Variants in TRABD2A observed in about 807,000 individuals in gnomAD.
The protein encoded by TRABD2A is TraB domain containing 2A.
TRABD2A carries 43 observed loss-of-function variants against 45.6 expected under a neutral mutation model. The observed-to-expected ratio is 0.94, with a 90% confidence interval of 0.74 to 1.22. The LOEUF (loss-of-function observed/expected upper bound fraction) is 1.22, where lower values mean the gene tolerates loss of function less well. TRABD2A is among the 50% of genes most tolerant of loss of function. TRABD2A has a pLI of 0.00. For synonymous variants in TRABD2A, 269 were observed against 265.0 expected (o/e 1.02, Z -0.15); for missense variants, 642 against 652.4 (o/e 0.98, Z 0.17).
intron 2 of TRABD2A, among the ~76,000 whole-genome samples, chr2:84,854,313 C>G (rs1423057353): frequency 6.6e-6 from 1 of 152,038 alleles, no homozygotes; most frequent in Admixed American, 6.6e-5. Flanking sequence ...TACTGAGGGA[C>G]AACTGTACAG....
At chr2:84,880,004 A>ACCCCCCCCT (rs1683150667) in intron 1 of TRABD2A, among the ~76,000 whole-genome samples, 1 of 45,998 alleles carries the variant, frequency 2.2e-5, no homozygotes, top group Non-Finnish European at 5.0e-5. Flanking sequence ...AACCCCCCCC[A>ACCCCCCCCT]CCCCCGCGTC....
chr2:84,852,127 CCA>C (rs1682117757), intron 2 of TRABD2A, among the ~76,000 whole-genome samples: 1 of 152,186 alleles, frequency 6.6e-6, no homozygotes, highest in South Asian at 2.1e-4. Flanking sequence ...AACGTAACCT[CCA>C]CACACAAACT....
At chr2:84,863,795 T>C (rs1682586584) in intron 2 of TRABD2A, among the ~76,000 whole-genome samples, 1 of 151,898 alleles carries the variant, frequency 6.6e-6, no homozygotes, top group African/African-American at 2.4e-5. Flanking sequence ...GTATTTTTAG[T>C]AGAGACGGGG....
chr2:84,871,477 A>C (rs1682870594), intron 1 of TRABD2A, among the ~76,000 whole-genome samples: 1 of 149,562 alleles, frequency 6.7e-6, no homozygotes, highest in African/African-American at 2.5e-5. Flanking sequence ...TGGAACTCAG[A>C]AATGCTACTT....
At chr2:84,837,017 G>A (rs1466796387) in intron 4 of TRABD2A, 1 of 129,310 alleles carries the variant, frequency 7.7e-6, no homozygotes, top group Admixed American at 8.0e-5. Flanking sequence ...TTTGGAGATG[G>A]AGTTTCACTC....
At chr2:84,824,240 G>A (rs1681084449) in intron 5 of TRABD2A, 36 bp from the exon 6 acceptor site, 1 of 1,611,072 alleles carries the variant, frequency 6.2e-7, no homozygotes, top group Admixed American at 1.7e-5. Flanking sequence ...ATTTGGAGGA[G>A]GGTCACACAG....
At chr2:84,862,980 G>A (rs1682548370) in intron 2 of TRABD2A, among the ~76,000 whole-genome samples, 2 of 152,126 alleles carry the variant, frequency 1.3e-5, no homozygotes, top group Admixed American at 1.3e-4. Context: ...AGAGAGCTAA[G>A]AACCCACCCA....
At chr2:84,845,061 G>T (rs1360752845) in intron 2 of TRABD2A, among the ~76,000 whole-genome samples, 1 of 152,186 alleles carries the variant, frequency 6.6e-6, no homozygotes, top group East Asian at 1.9e-4. Flanking sequence ...GATTAAATAA[G>T]AACTTTAGGC....
chr2:84,855,168 A>C (rs1682232125), intron 2 of TRABD2A, among the ~76,000 whole-genome samples: 1 of 152,190 alleles, frequency 6.6e-6, no homozygotes, highest in Non-Finnish European at 1.5e-5. Flanking sequence ...CACAAGCAGA[A>C]AATGCTCATC....
At chr2:84,826,754 G>C (rs1428690431) in intron 5 of TRABD2A, among the ~76,000 whole-genome samples, 1 of 152,168 alleles carries the variant, frequency 6.6e-6, no homozygotes, top group Non-Finnish European at 1.5e-5. Flanking sequence ...GGCTGGTCTT[G>C]AGCTCCTGAC....
At chr2:84,880,487 T>A (rs1683164182) in intron 1 of TRABD2A, among the ~76,000 whole-genome samples, 1 of 152,162 alleles carries the variant, frequency 6.6e-6, no homozygotes, top group Non-Finnish European at 1.5e-5. Flanking sequence ...ACTGAACATA[T>A]GAAGGTTAAG....
At chr2:84,869,498 T>A (rs1411401385) in intron 2 of TRABD2A, among the ~76,000 whole-genome samples, 1 of 152,218 alleles carries the variant, frequency 6.6e-6, no homozygotes, top group Non-Finnish European at 1.5e-5. Flanking sequence ...GGAAAGGAAC[T>A]GTCCTGGGGC....
At chr2:84,858,403 C>G (rs573593146) in intron 2 of TRABD2A, among the ~76,000 whole-genome samples, 3 of 152,312 alleles carry the variant, frequency 2.0e-5, no homozygotes, top group African/African-American at 4.8e-5. Context: ...TCTGTTTTTC[C>G]TACCTGACTA....
At chr2:84,863,431 A>G (rs1028211390) in intron 2 of TRABD2A, among the ~76,000 whole-genome samples, 1 of 149,996 alleles carries the variant, frequency 6.7e-6, no homozygotes, top group Non-Finnish European at 1.5e-5. Context: ...TTTTTAGTAG[A>G]CACGGGGTTT....
chr2:84,835,217 A>C (rs1045364320), intron 4 of TRABD2A: 4 of 129,150 alleles, frequency 3.1e-5, no homozygotes, highest in African/African-American at 1.6e-4. Flanking sequence ...GACAAAAAAT[A>C]CTAGAGGAAA....
chr2:84,867,040 C>T (rs2105405391), intron 2 of TRABD2A, among the ~76,000 whole-genome samples: 1 of 152,090 alleles, frequency 6.6e-6, no homozygotes, highest in East Asian at 1.9e-4. Flanking sequence ...TACACTTCAG[C>T]CTGGGCAACA....
rs1678333829 is a variant in TRABD2A, at chr2:84,830,539, C to T, written c.1082+1516G>A. On this transcript the variant is annotated intron_variant, in intron 5 of 6. Transcript: ENST00000409520. This position sits in a 1 kb window ranked among gnomAD's most constrained non-coding sequence, Gnocchi z 4.9. ...GAAGAGTGAACCAGAGGGAGAAGGG[C>T]CTGGAAGGGGGCGGTGGCCATGGAA... is the stretch of plus-strand genomic sequence containing the variant. 6.6e-6 allele frequency among the ~76,000 whole-genome samples: 1 copy of T among 152,124 alleles called. No individual in the cohort carries two copies. Among genetic ancestry groups the T allele is most frequent in the Non-Finnish European group, 1.5e-5 (1 of 68,026 alleles).
chr2:84,860,465 C>T (rs1025769944), intron 2 of TRABD2A, among the ~76,000 whole-genome samples: 4 of 152,170 alleles, frequency 2.6e-5, no homozygotes, highest in Non-Finnish European at 5.9e-5. Flanking sequence ...TTGGAAGAAA[C>T]CAGCCTTGCC....
At chr2:84,859,259 G>A (rs2105398068) in intron 2 of TRABD2A, among the ~76,000 whole-genome samples, 1 of 152,310 alleles carries the variant, frequency 6.6e-6, no homozygotes, top group Non-Finnish European at 1.5e-5. Flanking sequence ...AGTAAATGCT[G>A]TAGTTTGGTC....
Sources: gnomAD v4.1 joint callset for allele counts (sites outside exome capture counted in the v4.1 genomes callset) on GRCh38, gnomAD v4.1.1 for gene constraint, Gnocchi (gnomAD v3.1) non-coding constraint, MANE v1.5 for transcripts, NCBI Gene and HGNC (gene_info 2026-07-23, HGNC 2026-07-21) for gene names.